Variants in RMND1 observed in about 807,000 individuals in gnomAD.
The protein encoded by RMND1 is required for meiotic nuclear division protein 1 homolog.
In RMND1, 41 loss-of-function variants were observed where a neutral mutation model predicts 54.0. The observed-to-expected ratio is 0.76, with a 90% confidence interval of 0.59 to 0.98. The LOEUF (loss-of-function observed/expected upper bound fraction) is 0.98, where lower values mean the gene tolerates loss of function less well. Ranked by LOEUF, RMND1 falls within the 50% of genes least tolerant of loss-of-function variation. RMND1 has a pLI of 0.00. For missense variants in RMND1, 457 were observed against 532.0 expected (o/e 0.86, Z 1.39); for synonymous variants, 183 against 181.7 (o/e 1.01, Z -0.06).
chr6:151,440,020 G>C (rs1366625970), intron 2 of RMND1, among the ~76,000 whole-genome samples: 1 of 151,816 alleles, frequency 6.6e-6, no homozygotes, highest in African/African-American at 2.4e-5. Flanking sequence ...GCAGTGGTGC[G>C]ATCTCAGCTC....
chr6:151,421,312 C>A lies in RMND1; in HGVS notation c.1012G>T (p.Ala338Ser), dbSNP rs1375659296. Reference protein sequence around the residue: ...SIQSIPEALKAGKKVKLSHEE... With the variant: ...SIQSIPEALKSGKKVKLSHEE... Reference sequence around the variant, plus strand: ...TGAGATAGTTTCACTTTCTTCCCAGCTTTTAAAGCCTAGTTGAGAGGGAAT... The same window carrying A: ...TGAGATAGTTTCACTTTCTTCCCAGATTTTAAAGCCTAGTTGAGAGGGAAT... The change falls in exon 9 of 12, where the codon GCT becomes TCT. Residue 338 changes from alanine to serine, a missense_variant. Ala to Ser is a moderately conservative substitution (Grantham distance 99). Transcript: ENST00000444024. 9.3e-6 allele frequency: 15 copies of A among 1,611,810 alleles called. No individual in the cohort carries two copies. The highest frequency in any genetic ancestry group is 1.3e-5 in the Non-Finnish European group (15 of 1,178,810).
intron 8 of RMND1, 73 bp from the exon 9 acceptor site, chr6:151,421,394 C>A: frequency 9.5e-7 from 1 of 1,049,008 alleles, no homozygotes; most frequent in Non-Finnish European, 1.4e-6. Flanking sequence ...GTCAACAGGG[C>A]AAAATCTGAA....
chr6:151,417,207 A>G (rs1780030140), intron 10 of RMND1, 72 bp downstream of exon 10: 3 of 1,440,738 alleles, frequency 2.1e-6, no homozygotes. Flanking sequence ...ATTTCTCTGC[A>G]AGCAGTTAAA....
At chr6:151,408,879 T>C (rs1001217210) in intron 10 of RMND1, 1 of 152,238 alleles carries the variant, frequency 6.6e-6, no homozygotes, top group East Asian at 1.9e-4. Flanking sequence ...ATCTTAACTT[T>C]AGGCCATGCC....
chr6:151,405,650 CTTA>C, intron 11 of RMND1, 67 bp downstream of exon 11: 2 of 766,672 alleles, frequency 2.6e-6, no homozygotes, highest in Non-Finnish European at 4.5e-6. Context: ...CTCAAACTAT[CTTA>C]TTAGCATAGC....
Position 151,433,953 on chromosome 6 carries a change from C to A in RMND1, c.614-723G>T, listed in dbSNP as rs1253924879. 1.2e-3 allele frequency among the ~76,000 whole-genome samples: 161 copies of A among 139,962 alleles called. 3 individuals carry two copies. The highest frequency in any genetic ancestry group is 2.0e-3 in the Non-Finnish European group (128 of 65,250). 91.8% of individuals were successfully genotyped at this position (139,962 alleles called of 152,430 possible). On this transcript the variant is annotated intron_variant, in intron 3 of 11. Coordinates refer to ENST00000444024, the MANE Select transcript of RMND1 (RefSeq NM_017909.4). ...GAACTCAAGGGACCCCCCCCCGCCC[C>A]ACCCACCTCAGCCTCCCAAGTAGCT...
At chr6:151,427,612 C>T (rs771448352) in intron 5 of RMND1, 30 bp from the exon 6 acceptor site, 1 of 1,357,144 alleles carries the variant, frequency 7.4e-7, no homozygotes, top group Non-Finnish European at 1.1e-6. Context: ...AATCTGAAAT[C>T]ATAACTGACT....
intron 5 of RMND1, among the ~76,000 whole-genome samples, chr6:151,429,937 T>TAG (rs1780406552): frequency 6.6e-6 from 1 of 152,154 alleles, no homozygotes; most frequent in Admixed American, 6.5e-5. Context: ...AGTGTGTGTC[T>TAG]AGAGAAAGGA....
At chr6:151,421,697 A>AT (rs1405132863) in intron 8 of RMND1, among the ~76,000 whole-genome samples, 1 of 152,156 alleles carries the variant, frequency 6.6e-6, no homozygotes. Context: ...CTTTATATGT[A>AT]TTTTTCATAC....
intron 10 of RMND1, among the ~76,000 whole-genome samples, chr6:151,416,250 G>A (rs903858756): frequency 1.3e-5 from 2 of 151,964 alleles, no homozygotes; most frequent in Non-Finnish European, 2.9e-5. Flanking sequence ...AAAGTGCTGG[G>A]GTTACAGGCA....
chr6:151,405,370 G>GTAAA (rs2114907443), intron 11 of RMND1, 103 bp from the exon 12 acceptor site: 1 of 1,124,934 alleles, frequency 8.9e-7, no homozygotes, highest in African/African-American at 1.6e-5. Flanking sequence ...CTGAAGTAAG[G>GTAAA]TAAATGTTTG....
chr6:151,430,470 C>G (rs756478098), intron 4 of RMND1, among the ~76,000 whole-genome samples: 5 of 152,152 alleles, frequency 3.3e-5, no homozygotes, highest in African/African-American at 1.2e-4. Context: ...CTCTTTCATA[C>G]CTGGTTCAAT....
At chr6:151,435,998 C>T (rs1367771768) in intron 3 of RMND1, among the ~76,000 whole-genome samples, 2 of 150,962 alleles carry the variant, frequency 1.3e-5, no homozygotes, top group Admixed American at 6.6e-5. Context: ...CTAGCTACTC[C>T]GGAGGCTGAG....
At position 151,430,184 on chromosome 6, in the gene RMND1, TA is replaced by T; in HGVS notation, c.690-8del. Reference sequence around the variant, plus strand: ...AAACACAGCAGCTCCTTCCCTGATTTAAAAAAATAAAAGAAACAACTAAGAT... The same window carrying T: ...AAACACAGCAGCTCCTTCCCTGATTTAAAAAATAAAAGAAACAACTAAGAT... On this transcript the variant is annotated splice_polypyrimidine_tract_variant and splice_region_variant and intron_variant, in intron 4 of 11. Coordinates refer to ENST00000444024, the MANE Select transcript of RMND1 (RefSeq NM_017909.4). 6 of 1,586,614 alleles carry T rather than the reference TA, an allele frequency of 3.8e-6. No homozygotes were observed. Among genetic ancestry groups the T allele is most frequent in the Non-Finnish European group, 4.3e-6 (5 of 1,157,322 alleles).
At chr6:151,408,071 T>C (rs1446239340) in intron 10 of RMND1, among the ~76,000 whole-genome samples, 2 of 151,836 alleles carry the variant, frequency 1.3e-5, no homozygotes, top group Non-Finnish European at 2.9e-5. Flanking sequence ...GCAGTGGACA[T>C]GAAGAAAAGG....
chr6:151,414,150 G>C (rs1242097295), intron 10 of RMND1, among the ~76,000 whole-genome samples: 1 of 152,062 alleles, frequency 6.6e-6, no homozygotes, highest in Non-Finnish European at 1.5e-5. Flanking sequence ...GCTCACTGCA[G>C]CCTCAAACTC....
At chr6:151,413,816 T>A (rs1582944408) in intron 10 of RMND1, 2 of 152,260 alleles carry the variant, frequency 1.3e-5, no homozygotes, top group Non-Finnish European at 2.9e-5. Flanking sequence ...AAACCATCAC[T>A]AATCAATCTT....
At chr6:151,446,047 T>C in intron 1 of RMND1, 1 of 471,696 alleles carries the variant, frequency 2.1e-6, no homozygotes, top group Non-Finnish European at 3.7e-6. Context: ...TACAAGATTA[T>C]AAAGCTACTG....
intron 1 of RMND1, among the ~76,000 whole-genome samples, chr6:151,451,772 C>A (rs1781208601): frequency 6.6e-6 from 1 of 152,270 alleles, no homozygotes; most frequent in South Asian, 2.1e-4. Context: ...CCGTTCAATT[C>A]CTCAAACTCA....
Sources: gnomAD v4.1 joint callset for allele counts (sites outside exome capture counted in the v4.1 genomes callset) on GRCh38, gnomAD v4.1.1 for gene constraint, MANE v1.5 for transcripts, NCBI Gene and HGNC (gene_info 2026-07-23, HGNC 2026-07-21) for gene names.